NFIC: variants seen among roughly 807,000 people sequenced by gnomAD.
The protein encoded by NFIC is nuclear factor 1 C-type.
A neutral mutation model predicts 54.4 loss-of-function variants in NFIC; 12 were observed. The ratio of observed to expected loss-of-function variants is 0.22; its 90% CI spans 0.14 to 0.36. NFIC has a LOEUF of 0.36. Ranked by LOEUF, NFIC falls within the 10% of genes least tolerant of loss-of-function variation. NFIC has a pLI of 1.00. For synonymous variants in NFIC, 322 were observed against 319.2 expected, an observed-to-expected ratio of 1.01 and a Z score of -0.09; for missense variants, 575 against 718.2, an observed-to-expected ratio of 0.80 and a Z score of 2.28.
chr19:3,361,629 C>T (rs768636437), upstream of NFIC, among the ~76,000 whole-genome samples: 16 of 151,968 alleles, frequency 1.1e-4, no homozygotes, highest in Non-Finnish European at 2.4e-4. Flanking sequence ...GAGAGAAAAC[C>T]CTCCCACAAT....
chr19:3,467,760 T>TAC lies in NFIC; in HGVS notation c.*4992_*4993insCA, dbSNP rs1555685932. The TAC allele has an allele frequency of 7.2e-5, 8 of 111,080 alleles. No individual in the cohort carries two copies. The East Asian group carries it at 1.1e-3, about 15-fold the overall frequency. The allele number at this position is 111,080 out of a possible 1,614,324, so 6.9% of individuals were successfully genotyped here. On this transcript the variant is annotated 3_prime_UTR_variant, in exon 11 of 11. Coordinates refer to ENST00000443272, the MANE Select transcript of NFIC (RefSeq NM_001245002.2). ...CTCCAGTGTAGGGCTATACTATACA[T>TAC]ATATATATATATATATATATATATA...
chr19:3,436,229 C>T (rs1599686028), intron 6 of NFIC, among the ~76,000 whole-genome samples: 2 of 151,020 alleles, frequency 1.3e-5, no homozygotes, highest in Non-Finnish European at 3.0e-5. Flanking sequence ...ACTGCAGCCT[C>T]GACCTCCCAG....
intron 2 of NFIC, among the ~76,000 whole-genome samples, chr19:3,392,260 G>C (rs748176002): frequency 6.6e-6 from 1 of 151,842 alleles, no homozygotes; most frequent in African/African-American, 2.4e-5. Context: ...TTAGTAGAGC[G>C]GGGGTTTCAC....
intron 2 of NFIC, among the ~76,000 whole-genome samples, chr19:3,390,002 A>G (rs2081353885): frequency 6.6e-6 from 1 of 152,188 alleles, no homozygotes; most frequent in Admixed American, 6.5e-5. Context: ...AAACAAACAA[A>G]CAAAAAGAAT....
rs1383600563 is a variant in NFIC at position 3,370,261 on chromosome 19, G to A, written c.30+3595G>A. Among the ~76,000 whole-genome samples, 2 of 152,108 alleles carry A rather than the reference G, an allele frequency of 1.3e-5. No homozygotes were observed. Among genetic ancestry groups the A allele is most frequent in the East Asian group, 1.9e-4 (1 of 5,190 alleles). On this transcript the variant is annotated intron_variant, in intron 1 of 10. Coordinates refer to ENST00000443272, the MANE Select transcript of NFIC (RefSeq NM_001245002.2). The surrounding 1 kb of genome is among the most constrained non-coding windows in gnomAD (Gnocchi z 5.2). ...TTCCATCTGGCGGCTTGGGCAGGTGGGCGCTCTCTCCCCGTGTGCCCCCCA... is the reference window on the plus strand; with the variant it reads ...TTCCATCTGGCGGCTTGGGCAGGTGAGCGCTCTCTCCCCGTGTGCCCCCCA...
At chr19:3,394,533 C>CCT (rs1303364002) in intron 2 of NFIC, among the ~76,000 whole-genome samples, 1 of 110,648 alleles carries the variant, frequency 9.0e-6, no homozygotes, top group Admixed American at 9.5e-5. Context: ...ACCCCCCACC[C>CCT]GCTTACACTA....
At chr19:3,379,673 C>CTTTTTTTTTTTTTTTTTTTTTTTTTTT (rs370082450) in intron 1 of NFIC, among the ~76,000 whole-genome samples, 5 of 102,528 alleles carry the variant, frequency 4.9e-5, no homozygotes, top group Non-Finnish European at 5.3e-5. Flanking sequence ...TTATTTCTTT[C>CTTTTTTTTTTTTTTTTTTTTTTTTTTT]TTTTTTTTTT....
chr19:3,417,810 AT>A (rs1383181442), intron 2 of NFIC, among the ~76,000 whole-genome samples: 5 of 96,506 alleles, frequency 5.2e-5, no homozygotes, highest in African/African-American at 3.8e-5. Context: ...TTTTTTTTGT[AT>A]TTTTTTTTAG....
upstream of NFIC, chr19:3,366,536 G>GGGGGGGGGTTGGGGGGGGC: frequency 2.0e-5 from 8 of 400,918 alleles, no homozygotes; most frequent in Admixed American, 8.1e-5. Context: ...CCGCGGGGCG[G>GGGGGGGGGTTGGGGGGGGC]GGGGGGGGGT....
chr19:3,441,271 G>A (rs1005911261), intron 6 of NFIC, among the ~76,000 whole-genome samples: 10 of 152,234 alleles, frequency 6.6e-5, no homozygotes, highest in Admixed American at 1.3e-4. Flanking sequence ...ACAGGGACAC[G>A]GAACCACGTG....
At position 3,420,150 on chromosome 19, in the gene NFIC, G is replaced by GT. The variant is rs150180831; in HGVS notation, c.563-4955dup. On this transcript the variant is annotated intron_variant, in intron 2 of 10. Transcript: ENST00000443272. ...AGCTAGGGCAGCATCGCGAAAACCC[G>GT]TATCTACAAATAATACAAAAATTAG... Among the ~76,000 whole-genome samples, 370 of 152,120 alleles carry GT rather than the reference G, an allele frequency of 2.4e-3. 2 individuals carry two copies. The highest frequency in any genetic ancestry group is 8.6e-3 in the African/African-American group (357 of 41,490).
upstream of NFIC, among the ~76,000 whole-genome samples, chr19:3,364,226 C>T (rs559743739): frequency 6.6e-5 from 10 of 152,038 alleles, no homozygotes; most frequent in Admixed American, 3.9e-4. Context: ...ACCCATCTTC[C>T]GGGCCCTCCA....
intron 6 of NFIC, among the ~76,000 whole-genome samples, chr19:3,447,898 ACTTG>A (rs1162112627): frequency 3.3e-5 from 5 of 151,510 alleles, no homozygotes; most frequent in South Asian, 2.1e-4. Flanking sequence ...TTGTTTGTTT[ACTTG>A]CTTGTTTGTT....
chr19:3,416,407 A>G (rs2081855328), intron 2 of NFIC, among the ~76,000 whole-genome samples: 1 of 150,418 alleles, frequency 6.6e-6, no homozygotes, highest in African/African-American at 2.4e-5. Context: ...GTAGGTATAT[A>G]AAATATGCCA....
chr19:3,365,208 CT>C (rs779171863), upstream of NFIC, among the ~76,000 whole-genome samples: 4 of 152,214 alleles, frequency 2.6e-5, no homozygotes, highest in Admixed American at 1.3e-4. Flanking sequence ...TTCTGCGCCC[CT>C]GGGCCTGGGG....
At chr19:3,397,667 C>G (rs920414729) in intron 2 of NFIC, among the ~76,000 whole-genome samples, 1 of 122,466 alleles carries the variant, frequency 8.2e-6, no homozygotes. Flanking sequence ...GTGGGCTGCC[C>G]GGAGGTGGCG....
chr19:3,424,616 C>T (rs954768784), intron 2 of NFIC, among the ~76,000 whole-genome samples: 2 of 151,942 alleles, frequency 1.3e-5, no homozygotes. Context: ...ACCCTGACCT[C>T]AGGTGATCTG....
chr19:3,429,466 C>G (rs561070544), intron 3 of NFIC, among the ~76,000 whole-genome samples: 1 of 152,070 alleles, frequency 6.6e-6, no homozygotes, highest in African/African-American at 2.4e-5. Flanking sequence ...TGATGCGTGC[C>G]TGTAGTCCCA....
chr19:3,437,262 G>C (rs563115466), intron 6 of NFIC, among the ~76,000 whole-genome samples: 25 of 152,230 alleles, frequency 1.6e-4, no homozygotes, highest in African/African-American at 5.8e-4. Flanking sequence ...CAGCTACTCA[G>C]GAGGCTGAGG....
Sources: gnomAD v4.1 joint callset for allele counts (sites outside exome capture counted in the v4.1 genomes callset) on GRCh38, gnomAD v4.1.1 for gene constraint, Gnocchi (gnomAD v3.1) non-coding constraint, MANE v1.5 for transcripts, NCBI Gene and HGNC (gene_info 2026-07-23, HGNC 2026-07-21) for gene names.